The following CNTN5 variants were observed in gnomAD, a reference collection of about 807,000 sequenced individuals.
CNTN5 encodes contactin-5.
In CNTN5, 77 loss-of-function variants were observed where a neutral mutation model predicts 129.1. That is an observed-to-expected ratio of 0.60 (90% CI 0.50 to 0.72). The LOEUF (loss-of-function observed/expected upper bound fraction) is 0.72, where lower values mean the gene tolerates loss of function less well. CNTN5 is among the 30% of genes least tolerant of loss of function. The pLI is 0.00. For missense variants in CNTN5, 1,478 were observed against 1,328.8 expected (o/e 1.11, Z -1.75); for synonymous variants, 509 against 465.6 (o/e 1.09, Z -1.20).
intron 2 of CNTN5, among the ~76,000 whole-genome samples, chr11:99,326,958 T>C (rs1464626688): frequency 6.6e-6 from 1 of 152,194 alleles, no homozygotes; most frequent in African/African-American, 2.4e-5. Context: ...TAATCTGTAT[T>C]CTGTCTATAA....
At chr11:99,239,942 A>AC (rs1555086455) in intron 1 of CNTN5, among the ~76,000 whole-genome samples, 1 of 131,534 alleles carries the variant, frequency 7.6e-6, no homozygotes, top group Non-Finnish European at 1.8e-5. Context: ...GTCTCAAAAA[A>AC]AAAAAAAAAA....
At chr11:99,626,353 C>A (rs565362577) in intron 3 of CNTN5, among the ~76,000 whole-genome samples, 75 of 152,192 alleles carry the variant, frequency 4.9e-4, no homozygotes, top group African/African-American at 1.6e-3. Flanking sequence ...TTTTTAACAT[C>A]ACGGAATAAT....
intron 2 of CNTN5, among the ~76,000 whole-genome samples, chr11:99,472,593 T>C (rs558888299): frequency 6.6e-6 from 1 of 152,200 alleles, no homozygotes; most frequent in Non-Finnish European, 1.5e-5. Context: ...AAGTTTACAT[T>C]GAAAATTTGC....
intron 4 of CNTN5, among the ~76,000 whole-genome samples, chr11:99,840,185 C>G (rs559715120): frequency 1.1e-3 from 170 of 152,198 alleles, no homozygotes; most frequent in African/African-American, 3.8e-3. Context: ...AAAATACACG[C>G]AAAATCATTA....
At chr11:99,250,053 C>T (rs889374412) in intron 1 of CNTN5, among the ~76,000 whole-genome samples, 1 of 151,928 alleles carries the variant, frequency 6.6e-6, no homozygotes, top group Non-Finnish European at 1.5e-5. Context: ...TTAGTTGCTT[C>T]TCAGTGAAGG....
intron 3 of CNTN5, among the ~76,000 whole-genome samples, chr11:99,569,467 C>A (rs543160124): frequency 6.6e-6 from 1 of 152,140 alleles, no homozygotes; most frequent in Non-Finnish European, 1.5e-5. Context: ...GTGTGCACCA[C>A]CATGCCTGGC....
chr11:100,153,926 CTTAAAA>C (rs1366905207), intron 13 of CNTN5, among the ~76,000 whole-genome samples: 1 of 152,010 alleles, frequency 6.6e-6, no homozygotes, highest in Non-Finnish European at 1.5e-5. Flanking sequence ...TTCAAGTCTA[CTTAAAA>C]TTAAAATGTT....
chr11:99,430,867 G>A (rs1450972365), intron 2 of CNTN5, among the ~76,000 whole-genome samples: 1 of 152,052 alleles, frequency 6.6e-6, no homozygotes, highest in African/African-American at 2.4e-5. Flanking sequence ...ACCGAACTAC[G>A]GTGTGAGGTG....
In CNTN5 at chr11:100,309,788, G is replaced by C. The variant is rs1005621901; in HGVS notation, c.2730+1320G>C. 6.1e-5 allele frequency: 46 copies of C among 748,886 alleles called. No individual in the cohort carries two copies. In the African/African-American group the frequency reaches 8.4e-4, roughly 14 times the overall value. 46.4% of individuals were successfully genotyped at this position (748,886 alleles called of 1,614,324 possible). A position where few individuals can be genotyped will look rare whatever the true frequency, so the allele number is the denominator to read the frequency against. The stretch of plus-strand genomic sequence containing the variant: ...TCCAGTTTCCCTTCTCTATGGAGGA[G>C]GGACACGTGCCTCCTCCAACTGCTG... On this transcript the variant is annotated intron_variant, in intron 21 of 24. Coordinates refer to ENST00000524871, the MANE Select transcript of CNTN5 (RefSeq NM_014361.4).
chr11:99,434,098 C>T (rs551257039), intron 2 of CNTN5, among the ~76,000 whole-genome samples: 7 of 152,150 alleles, frequency 4.6e-5, no homozygotes, highest in African/African-American at 1.2e-4. Context: ...ATATAATCTT[C>T]GGCTGAAAAA....
chr11:99,136,570 C>G (rs983411189), intron 1 of CNTN5, among the ~76,000 whole-genome samples: 2 of 152,110 alleles, frequency 1.3e-5, no homozygotes, highest in African/African-American at 4.8e-5. Context: ...TGCACAAAGC[C>G]TCACCTCACA....
In CNTN5 at chr11:99,064,986, A is replaced by T. The variant is rs973861428; in HGVS notation, c.-210+43716A>T. Among the ~76,000 whole-genome samples, 12 of 152,142 alleles carry T rather than the reference A, an allele frequency of 7.9e-5. No individual in the cohort carries two copies. In the East Asian group the frequency reaches 2.3e-3, roughly 29 times the overall value. ...TAAAAAGTATTCTTTTTTAACTTTT[A>T]ATAAAATTATCTAATCTAACACTTA... On this transcript the variant is annotated intron_variant, in intron 1 of 24. Transcript: ENST00000524871.
intron 1 of CNTN5, among the ~76,000 whole-genome samples, chr11:99,076,755 T>G (rs911015575): frequency 2.6e-5 from 4 of 152,186 alleles, no homozygotes; most frequent in South Asian, 2.1e-4. Flanking sequence ...CTAATTTTCT[T>G]TGGTATTTGG....
At chr11:100,198,106 A>G (rs1285321650) in intron 15 of CNTN5, among the ~76,000 whole-genome samples, 3 of 151,936 alleles carry the variant, frequency 2.0e-5, no homozygotes, top group African/African-American at 7.2e-5. Flanking sequence ...AACCCTCTCC[A>G]TATTCACTGA....
At chr11:99,353,926 G>T (rs941912986) in intron 2 of CNTN5, among the ~76,000 whole-genome samples, 5 of 152,160 alleles carry the variant, frequency 3.3e-5, no homozygotes, top group East Asian at 1.9e-4. Flanking sequence ...CCACGTGAAG[G>T]CTGTTCCTCA....
chr11:100,085,058 G>A (rs1334410453), intron 13 of CNTN5, among the ~76,000 whole-genome samples: 2 of 152,166 alleles, frequency 1.3e-5, no homozygotes, highest in South Asian at 2.1e-4. Context: ...GAGAGGGGTG[G>A]TGGGATATAG....
chr11:100,033,248 C>A (rs74856823), intron 9 of CNTN5, among the ~76,000 whole-genome samples: 4,855 of 152,176 alleles, frequency 0.032, 124 homozygotes, highest in African/African-American at 0.076. Context: ...GCTTTTCTGG[C>A]AGAACCTGGA....
intron 3 of CNTN5, among the ~76,000 whole-genome samples, chr11:99,757,321 C>G (rs898689601): frequency 6.6e-6 from 1 of 151,620 alleles, no homozygotes; most frequent in African/African-American, 2.4e-5. Flanking sequence ...ATTATAAGTT[C>G]ATTTTAACTT....
At chr11:99,990,556 A>G (rs1939015965) in intron 8 of CNTN5, among the ~76,000 whole-genome samples, 1 of 151,862 alleles carries the variant, frequency 6.6e-6, no homozygotes, top group South Asian at 2.1e-4. Context: ...ATCCTACATA[A>G]ATAATACTCA....
Sources: gnomAD v4.1 joint callset for allele counts (sites outside exome capture counted in the v4.1 genomes callset) on GRCh38, gnomAD v4.1.1 for gene constraint, MANE v1.5 for transcripts, NCBI Gene and HGNC (gene_info 2026-07-23, HGNC 2026-07-21) for gene names.